Variants in PDZD2 observed in about 807,000 individuals in gnomAD.
PDZD2 encodes PDZ domain-containing protein 2.
PDZD2 carries 90 observed loss-of-function variants against 220.7 expected under a neutral mutation model. The observed-to-expected ratio is 0.41, with a 90% CI of 0.34 to 0.49. The LOEUF is 0.49. PDZD2 is among the 20% of genes least tolerant of loss of function. The pLI is 0.28. For synonymous variants in PDZD2, 1,375 were observed against 1,450.5 expected, an observed-to-expected ratio of 0.95 and a Z score of 1.18; for missense variants, 3,174 against 3,608.5, an observed-to-expected ratio of 0.88 and a Z score of 3.08.
chr5:31,991,748 G>C (rs1171195405), intron 3 of PDZD2, among the ~76,000 whole-genome samples: 1 of 152,160 alleles, frequency 6.6e-6, no homozygotes, highest in Non-Finnish European at 1.5e-5. Flanking sequence ...ACAATTGTGG[G>C]CCCGGCACGG....
At chr5:31,913,201 C>T (rs577680100) in intron 2 of PDZD2, among the ~76,000 whole-genome samples, 56 of 152,156 alleles carry the variant, frequency 3.7e-4, no homozygotes, top group South Asian at 1.2e-3. Context: ...AAACCCTGGG[C>T]GTGGTGGCAC....
chr5:31,662,831 C>T (rs186868432), intron 1 of PDZD2, among the ~76,000 whole-genome samples: 32 of 152,298 alleles, frequency 2.1e-4, no homozygotes, highest in African/African-American at 4.6e-4. Context: ...GGGGTTTCAC[C>T]GTGTTAGCCA....
At chr5:32,092,842 A>G in intron 20 of PDZD2, 65 bp from the exon 21 acceptor site, 1 of 782,158 alleles carries the variant, frequency 1.3e-6, no homozygotes, top group East Asian at 2.8e-5. Context: ...TTTTAAATGC[A>G]TTCTTATAAA....
intron 2 of PDZD2, among the ~76,000 whole-genome samples, chr5:31,930,175 C>T (rs1271994764): frequency 6.8e-6 from 1 of 147,130 alleles, no homozygotes; most frequent in African/African-American, 2.5e-5. Flanking sequence ...TTTCTTTGTA[C>T]ATTACCCAGT....
intron 2 of PDZD2, among the ~76,000 whole-genome samples, chr5:31,901,775 T>C (rs570118158): frequency 2.6e-5 from 4 of 152,338 alleles, no homozygotes; most frequent in African/African-American, 9.6e-5. Context: ...TCACTTCCCC[T>C]ACAAACTCCT....
intron 1 of PDZD2, among the ~76,000 whole-genome samples, chr5:31,678,952 A>C (rs557491648): frequency 1.3e-5 from 2 of 152,284 alleles, no homozygotes; most frequent in South Asian, 4.1e-4. Flanking sequence ...CAAAGGGAAA[A>C]ATAGCTAGGG....
At chr5:31,805,012 G>A (rs1754628517) in intron 2 of PDZD2, among the ~76,000 whole-genome samples, 1 of 152,268 alleles carries the variant, frequency 6.6e-6, no homozygotes, top group Admixed American at 6.5e-5. Context: ...TGGCCAACAT[G>A]GCGAAACCCT....
intron 2 of PDZD2, among the ~76,000 whole-genome samples, chr5:31,873,045 T>C (rs6883234): frequency 0.47 from 71,043 of 151,920 alleles, 16,833 homozygotes; most frequent in South Asian, 0.56. Context: ...TGACAATTAC[T>C]TGACGACACA....
Position 31,996,864 on chromosome 5 carries a change from C to CA in PDZD2, c.1121+1147dup, listed in dbSNP as rs1417761689. ...TGCCAGTGTACGCCAGTCTGGGTGA[C>CA]AGAGCAAGAGACTCTGTCTCAAAAA... is the stretch of plus-strand genomic sequence containing the variant. On this transcript the variant is annotated intron_variant, in intron 4 of 24. Transcript: ENST00000438447. Among the ~76,000 whole-genome samples, 3 of 152,124 alleles carry CA rather than the reference C, an allele frequency of 2.0e-5. No homozygotes were observed. The East Asian group carries it at 5.8e-4, about 29-fold the overall frequency.
At chr5:31,706,748 G>A (rs933234788) in intron 1 of PDZD2, among the ~76,000 whole-genome samples, 3 of 151,488 alleles carry the variant, frequency 2.0e-5, no homozygotes, top group Non-Finnish European at 4.4e-5. Flanking sequence ...GGAGGCTGAG[G>A]CAGGAGAATC....
intron 2 of PDZD2, among the ~76,000 whole-genome samples, chr5:31,863,406 G>T (rs1234252511): frequency 6.6e-6 from 1 of 152,218 alleles, no homozygotes; most frequent in Non-Finnish European, 1.5e-5. Flanking sequence ...GTGCATCCCT[G>T]AAGTGGTGCC....
rs1329190782 is a variant in PDZD2, at chr5:32,089,249, G to A, written c.5801G>A (p.Arg1934Gln). 3.1e-6 allele frequency: 5 copies of A among 1,614,090 alleles called. No homozygotes were observed. The highest frequency in any genetic ancestry group is 4.2e-6 in the Non-Finnish European group (5 of 1,180,004). The change falls in exon 20 of 25, where the codon CGG (arginine) becomes CAG (glutamine). Residue 1934 changes from arginine to glutamine, a missense_variant. Physicochemically the swap from Arg to Gln is conservative, Grantham distance 43. Around this residue, in one of 4 missense-constraint regions of PDZD2, gnomAD observed 1,861 missense variants for 2,001.0 expected, o/e 0.93. Coordinates refer to ENST00000438447, the MANE Select transcript of PDZD2 (RefSeq NM_178140.4). ...HKTLSKAVSQ[R>Q]LHVADHEDPD... ...ACACTTTCTAAGGCAGTGTCACAGC[G>A]GCTCCATGTAGCCGACCACGAGGAC... is the stretch of plus-strand genomic sequence containing the variant.
intron 2 of PDZD2, among the ~76,000 whole-genome samples, chr5:31,891,863 G>A (rs1107905): frequency 0.56 from 84,412 of 151,920 alleles, 24,537 homozygotes; most frequent in African/African-American, 0.73. Context: ...TAATGAGATA[G>A]TTAGGAAATC....
In PDZD2 at chr5:32,097,367, C is replaced by CA; in HGVS notation, c.7938dup (p.Ser2647IlefsTer106). The CA allele has an allele frequency of 6.2e-7, 1 of 1,602,532 alleles. No homozygotes were observed. The highest frequency in any genetic ancestry group is 8.6e-7 in the Non-Finnish European group (1 of 1,169,486). Reference sequence around the variant, plus strand: ...GTGGCAGGAGGGACAGATGTGGAGCCAAAATCAATCACGGTAAGTGACAGA... The same window carrying CA: ...GTGGCAGGAGGGACAGATGTGGAGCCAAAAATCAATCACGGTAAGTGACAGA... On this transcript the variant is annotated frameshift_variant, in exon 22 of 25. Transcript: ENST00000438447. LOFTEE classifies it high-confidence loss of function.
chr5:32,072,383 C>G, intron 17 of PDZD2, 66 bp downstream of exon 17: 1 of 1,280,888 alleles, frequency 7.8e-7, no homozygotes, highest in Admixed American at 2.2e-5. Context: ...GTTTCCACCT[C>G]TGTGCTGGCG....
At chr5:31,794,393 C>CTTTTTTTT (rs34331530) in intron 1 of PDZD2, among the ~76,000 whole-genome samples, 130 of 105,240 alleles carry the variant, frequency 1.2e-3, no homozygotes, top group Non-Finnish European at 1.7e-3. Context: ...TTCTTTCTTT[C>CTTTTTTTT]TTTTTTTTTT....
intron 1 of PDZD2, among the ~76,000 whole-genome samples, chr5:31,674,598 G>T (rs1267788408): frequency 6.6e-6 from 1 of 152,224 alleles, no homozygotes; most frequent in Non-Finnish European, 1.5e-5. Context: ...TTGGGTGGTG[G>T]CTGTAGGAGG....
In PDZD2 at chr5:32,074,430, G is replaced by A. The variant is rs763873358; in HGVS notation, c.3324G>A (p.Gln1108=). The change falls in exon 18 of 25, where the codon CAG becomes CAA. Residue 1108 remains glutamine (Q), a synonymous_variant. Transcript: ENST00000438447. Reference sequence around the variant, plus strand: ...ACACTGGGAGCCCCAGTTCCCCCCAGCAGAAAAGTGAAGGCCTGGGCTCCA... The same window carrying A: ...ACACTGGGAGCCCCAGTTCCCCCCAACAGAAAAGTGAAGGCCTGGGCTCCA... ...PTNTGSPSSP[Q]QKSEGLGSRH... The A allele has an allele frequency of 6.2e-7, 1 of 1,614,066 alleles. No individual in the cohort carries two copies. Among genetic ancestry groups the A allele is most frequent in the Admixed American group, 1.7e-5 (1 of 60,018 alleles).
intron 2 of PDZD2, among the ~76,000 whole-genome samples, chr5:31,976,377 A>G (rs1216187943): frequency 2.0e-5 from 3 of 152,194 alleles, no homozygotes; most frequent in African/African-American, 7.2e-5. Context: ...GCCTCCCATT[A>G]CTTCTTAGGG....
Sources: allele counts gnomAD v4.1 joint callset (sites outside exome capture counted in the v4.1 genomes callset), GRCh38; gene constraint gnomAD v4.1.1; regional missense constraint gnomAD v4.1.1; transcripts MANE v1.5; gene names NCBI Gene and HGNC (gene_info 2026-07-23, HGNC 2026-07-21).